The following SMPX variants were observed in gnomAD, a reference collection of about 807,000 sequenced individuals.
SMPX encodes the protein small muscular protein.
Under a neutral mutation model 6.3 loss-of-function variants are expected in SMPX, and 2 were observed. The observed-to-expected ratio is 0.32, with a 90% CI of 0.13 to 0.99. SMPX has a LOEUF of 0.99. SMPX is among the 50% of genes least tolerant of loss of function. The pLI is 0.49. For synonymous variants in SMPX, 32 were observed against 24.7 expected (o/e 1.30, Z -0.88); for missense variants, 60 against 66.8 (o/e 0.90, Z 0.36).
intron 4 of SMPX, among the ~76,000 whole-genome samples, chrX:21,723,868 T>C (rs1405728968): frequency 8.9e-6 from 1 of 112,121 alleles, no homozygotes; most frequent in East Asian, 2.8e-4. Flanking sequence ...GTGATGAGGA[T>C]CAAGAACCAT....
intron 4 of SMPX, among the ~76,000 whole-genome samples, chrX:21,715,322 T>C (rs376355773): frequency 1.0e-5 from 1 of 99,025 alleles, no homozygotes; most frequent in Non-Finnish European, 2.0e-5. Context: ...GCGCGCGCGC[T>C]CGCGCGCTGG....
chrX:21,710,417 G>A (rs1474628294), intron 4 of SMPX, among the ~76,000 whole-genome samples: 2 of 110,966 alleles, frequency 1.8e-5, no homozygotes, highest in African/African-American at 3.3e-5. Flanking sequence ...GGGTGGGAGA[G>A]GAGCTAGGGA....
At chrX:21,757,617 A>G (rs2092834296) in intron 1 of SMPX, among the ~76,000 whole-genome samples, 1 of 111,965 alleles carries the variant, frequency 8.9e-6, no homozygotes. Context: ...TTAGGGCTTC[A>G]ATCAATCTGC....
intron 4 of SMPX, among the ~76,000 whole-genome samples, chrX:21,708,081 T>C (rs1385233378): frequency 8.9e-6 from 1 of 112,853 alleles, no homozygotes; most frequent in Non-Finnish European, 1.9e-5. Flanking sequence ...TTTCCATTAG[T>C]CTTTGGTGTC....
intron 4 of SMPX, among the ~76,000 whole-genome samples, chrX:21,721,107 G>C (rs1288030886): frequency 1.8e-5 from 2 of 112,060 alleles, no homozygotes; most frequent in African/African-American, 6.5e-5. Flanking sequence ...CTGGAAAGCA[G>C]TGAGTATAGA....
intron 4 of SMPX, among the ~76,000 whole-genome samples, chrX:21,730,002 C>T (rs1021997560): frequency 8.9e-6 from 1 of 112,111 alleles, no homozygotes; most frequent in Admixed American, 9.5e-5. Flanking sequence ...CACTGCAGAA[C>T]CTGTCTTTAT....
chrX:21,731,699 A>AGTGTGT (rs1555973422), intron 4 of SMPX, among the ~76,000 whole-genome samples: 1 of 90,019 alleles, frequency 1.1e-5, no homozygotes, highest in Non-Finnish European at 2.2e-5. Context: ...TGTACACATA[A>AGTGTGT]ATGTGTATAT....
At chrX:21,750,394 A>G (rs1199486313) in intron 2 of SMPX, among the ~76,000 whole-genome samples, 1 of 112,123 alleles carries the variant, frequency 8.9e-6, no homozygotes, top group Non-Finnish European at 1.9e-5. Flanking sequence ...TTTTGTAAAT[A>G]AAGTTTCATT....
At chrX:21,750,383 A>T (rs2092826181) in intron 2 of SMPX, among the ~76,000 whole-genome samples, 1 of 111,824 alleles carries the variant, frequency 8.9e-6, no homozygotes, top group African/African-American at 3.3e-5. Flanking sequence ...CCACCACCTG[A>T]TTTTGTAAAT....
At chrX:21,737,296 T>C (rs1240354712) in intron 4 of SMPX, among the ~76,000 whole-genome samples, 2 of 111,759 alleles carry the variant, frequency 1.8e-5, no homozygotes, top group African/African-American at 3.3e-5. Flanking sequence ...AACTTCATCC[T>C]TCCACAACTA....
intron 4 of SMPX, among the ~76,000 whole-genome samples, chrX:21,721,617 C>A (rs768740069): frequency 2.7e-5 from 3 of 112,344 alleles, no homozygotes; most frequent in South Asian, 3.8e-4. Flanking sequence ...CATTCCCAGG[C>A]CTATCCTGCC....
chrX:21,717,114 C>T (rs1251569833), intron 4 of SMPX, among the ~76,000 whole-genome samples: 3 of 111,311 alleles, frequency 2.7e-5, no homozygotes, highest in African/African-American at 9.8e-5. Flanking sequence ...TATGGTTTGG[C>T]TGTGCCCCCA....
At chrX:21,750,027 G>T (rs1360548559) in intron 2 of SMPX, among the ~76,000 whole-genome samples, 2 of 111,803 alleles carry the variant, frequency 1.8e-5, no homozygotes, top group African/African-American at 6.5e-5. Context: ...AGAGAAGATT[G>T]GCTCTGTGTG....
chrX:21,747,462 G>C (rs2147392444), intron 2 of SMPX, among the ~76,000 whole-genome samples: 1 of 111,730 alleles, frequency 9.0e-6, no homozygotes, highest in East Asian at 2.8e-4. Context: ...ATCTCACTAG[G>C]TGAAGAAAAG....
At chrX:21,750,531 T>C (rs2092826345) in intron 2 of SMPX, among the ~76,000 whole-genome samples, 1 of 112,159 alleles carries the variant, frequency 8.9e-6, no homozygotes, top group South Asian at 3.7e-4. Flanking sequence ...TCTGGTCCTT[T>C]ATAGAAAAGG....
chrX:21,754,690 C>T (rs1035993332), intron 1 of SMPX, among the ~76,000 whole-genome samples: 1 of 112,274 alleles, frequency 8.9e-6, no homozygotes, highest in African/African-American at 3.2e-5. Context: ...TGAAACTGAA[C>T]TTTTGATCTG....
At chrX:21,749,195 T>C (rs929472979) in intron 2 of SMPX, among the ~76,000 whole-genome samples, 3 of 112,538 alleles carry the variant, frequency 2.7e-5, no homozygotes, top group African/African-American at 9.7e-5. Flanking sequence ...GCAGGATTCA[T>C]ATAATTTTTT....
intron 4 of SMPX, among the ~76,000 whole-genome samples, chrX:21,736,252 T>C (rs752041880): frequency 1.8e-5 from 2 of 112,201 alleles, no homozygotes; most frequent in Non-Finnish European, 1.9e-5. Flanking sequence ...TGTTCCTCAT[T>C]CTGTCTAGAG....
intron 3 of SMPX, among the ~76,000 whole-genome samples, chrX:21,739,612 C>T (rs915168165): frequency 2.7e-5 from 3 of 112,026 alleles, no homozygotes. Flanking sequence ...ACTTGGAGGA[C>T]TAGATATTCC....
Sources: gnomAD v4.1 joint callset for allele counts (sites outside exome capture counted in the v4.1 genomes callset) on GRCh38, gnomAD v4.1.1 for gene constraint, MANE v1.5 for transcripts, NCBI Gene and HGNC (gene_info 2026-07-23, HGNC 2026-07-21) for gene names.